Variants in PROM2 observed in about 807,000 individuals in gnomAD.
The protein encoded by PROM2 is prominin-2.
A neutral mutation model predicts 110.2 loss-of-function variants in PROM2; 90 were observed. The observed-to-expected ratio is 0.82, with a 90% CI of 0.69 to 0.97. PROM2 has a LOEUF of 0.97. PROM2 is among the 50% of genes least tolerant of loss of function. The probability of loss-of-function intolerance (pLI) is 0.00; values close to 1 mark genes in which losing one functional copy is unlikely to be tolerated. For synonymous variants in PROM2, 470 were observed against 467.8 expected (o/e 1.00, Z -0.06); for missense variants, 1,009 against 1,074.8 (o/e 0.94, Z 0.86).
chr2:95,278,869 G>A, intron 9 of PROM2, 85 bp downstream of exon 9: 2 of 1,606,394 alleles, frequency 1.2e-6, no homozygotes, highest in African/African-American at 1.3e-5. Context: ...AGAGGACTGG[G>A]GTGGCGGGGG....
chr2:95,277,669 C>T, intron 7 of PROM2, 103 bp downstream of exon 7: 3 of 1,180,070 alleles, frequency 2.5e-6, no homozygotes, highest in Non-Finnish European at 2.3e-6. Flanking sequence ...ATGTTCCTCC[C>T]TTGCTCCACC....
At chr2:95,281,171 G>A (rs913890432) in intron 11 of PROM2, 71 bp from the exon 12 acceptor site, 2 of 1,575,582 alleles carry the variant, frequency 1.3e-6, no homozygotes, top group African/African-American at 2.7e-5. Context: ...CTGGGGTGAG[G>A]GTGGGACAGA....
Position 95,276,979 on chromosome 2 carries a change from T to C in PROM2, c.690T>C (p.Gly230=). 1 of 1,552,182 alleles carries C rather than the reference T, an allele frequency of 6.4e-7. No individual in the cohort carries two copies. Among genetic ancestry groups the C allele is most frequent in the Non-Finnish European group, 8.7e-7 (1 of 1,147,220 alleles). Residue 230 remains glycine (G), a synonymous_variant, in exon 6 of 24, where the codon GGT becomes GGC. Coordinates refer to ENST00000317620, the MANE Select transcript of PROM2 (RefSeq NM_001165978.3). This position sits in a 1 kb window ranked among gnomAD's most constrained non-coding sequence, Gnocchi z 4.6. The part of the protein sequence containing the change: ...EQVSEELDGV[G]VSIGSAIHTQ... ...CTGCCCTGTGCTCTGCAGGTGTTGGTGTGAGCATTGGGAGCGCGATCCACA... is the reference window on the plus strand; with the variant it reads ...CTGCCCTGTGCTCTGCAGGTGTTGGCGTGAGCATTGGGAGCGCGATCCACA...
rs901364393 is a variant in PROM2, at chr2:95,276,220, C to T, written c.498-7C>T. On this transcript the variant is annotated splice_region_variant and splice_polypyrimidine_tract_variant and intron_variant, in intron 3 of 23. Transcript: ENST00000317620. The surrounding 1 kb of genome is among the most constrained non-coding windows in gnomAD (Gnocchi z 4.6). ...CAAGCACCTTCCTCCTCCCTCCATT[C>T]CCACAGGATTGGTGTGGTCTGTGCC... The T allele has an allele frequency of 3.7e-6, 6 of 1,613,848 alleles. No individual in the cohort carries two copies. Among genetic ancestry groups the T allele is most frequent in the Non-Finnish European group, 5.1e-6 (6 of 1,180,016 alleles).
Position 95,282,167 on chromosome 2 carries a change from T to C in PROM2, c.1669T>C (p.Trp557Arg). The part of the protein sequence containing the change: ...YQQCKEGAAL[W>R]TVLQLNDSYD... ...GCAGTGCAAGGAAGGGGCAGCGCTC[T>C]GGACAGTCCTGCAGCTCAACGACTC... Residue 557 changes from tryptophan (W) to arginine (R), a missense_variant, in exon 14 of 24, where the codon TGG becomes CGG. Coordinates refer to ENST00000317620, the MANE Select transcript of PROM2 (RefSeq NM_001165978.3). The C allele has an allele frequency of 2.5e-6, 4 of 1,613,922 alleles. No homozygotes were observed. In the South Asian group the frequency reaches 3.3e-5, roughly 13 times the overall value.
intron 16 of PROM2, 104 bp downstream of exon 16, chr2:95,285,814 C>G: frequency 8.9e-7 from 1 of 1,123,122 alleles, no homozygotes; most frequent in Non-Finnish European, 1.3e-6. Flanking sequence ...AACTGAGGAC[C>G]CCCACCAGTG....
Position 95,275,457 on chromosome 2 carries a change from A to G in PROM2, c.245-4A>G, listed in dbSNP as rs1676590648. 2 of 1,612,234 alleles carry G rather than the reference A, an allele frequency of 1.2e-6. No homozygotes were observed. The highest frequency in any genetic ancestry group is 1.1e-5 in the South Asian group (1 of 90,732). On this transcript the variant is annotated splice_region_variant and splice_polypyrimidine_tract_variant and intron_variant, in intron 1 of 23. Coordinates refer to ENST00000317620, the MANE Select transcript of PROM2 (RefSeq NM_001165978.3). The surrounding 1 kb of genome is among the most constrained non-coding windows in gnomAD (Gnocchi z 4.4). Reference sequence around the variant, plus strand: ...CAAATCCTCAGCTTGGCTCTTTCCCATAGAGTTGGTAAAGGCCCTACTGAA... The same window carrying G: ...CAAATCCTCAGCTTGGCTCTTTCCCGTAGAGTTGGTAAAGGCCCTACTGAA...
Position 95,276,269 on chromosome 2 carries a change from T to C in PROM2, c.540T>C (p.His180=), listed in dbSNP as rs1463383510. 9.9e-6 allele frequency: 16 copies of C among 1,613,888 alleles called. No individual in the cohort carries two copies. Among genetic ancestry groups the C allele is most frequent in the Non-Finnish European group, 1.2e-5 (14 of 1,180,024 alleles). The part of the protein sequence containing the change: ...VCAFVTNQRT[H]EQMGPSIEAM... ...CCTTTGTCACCAACCAGCGCACGCATGAACAGATGGGCCCCAGCATCGAGG... is the reference window on the plus strand; with the variant it reads ...CCTTTGTCACCAACCAGCGCACGCACGAACAGATGGGCCCCAGCATCGAGG... Residue 180 remains histidine, a synonymous_variant, in exon 4 of 24, where the codon CAT becomes CAC. Transcript: ENST00000317620. The surrounding 1 kb of genome is among the most constrained non-coding windows in gnomAD (Gnocchi z 4.6).
At position 95,276,058 on chromosome 2, in the gene PROM2, G is replaced by A; in HGVS notation, c.423G>A (p.Lys141=). The A allele has an allele frequency of 6.2e-7, 1 of 1,611,424 alleles. No individual in the cohort carries two copies. Among genetic ancestry groups the A allele is most frequent in the Non-Finnish European group, 8.5e-7 (1 of 1,179,914 alleles). ...ACCGGCGCTGCGGGGGACGAGTGAA[G>A]ACAGAGCACAAGGCGCTGGCCTGTG... The part of the protein sequence containing the change: ...RCHRRCGGRV[K]TEHKALACER... The change falls in exon 3 of 24, where the codon AAG becomes AAA. Residue 141 remains lysine (K), a synonymous_variant. Coordinates refer to ENST00000317620, the MANE Select transcript of PROM2 (RefSeq NM_001165978.3). This position sits in a 1 kb window ranked among gnomAD's most constrained non-coding sequence, Gnocchi z 4.6.
rs1031488419 is a variant in PROM2 at position 95,291,141 on chromosome 2, T to C, written c.*1928T>C. 1.3e-5 allele frequency: 2 copies of C among 152,204 alleles called. No homozygotes were observed. The highest frequency in any genetic ancestry group is 2.9e-5 in the Non-Finnish European group (2 of 68,036). The allele number at this position is 152,204 out of a possible 1,614,324, so 9.4% of individuals were successfully genotyped here. A position where few individuals can be genotyped will look rare whatever the true frequency, so the allele number is the denominator to read the frequency against. On this transcript the variant is annotated 3_prime_UTR_variant, in exon 24 of 24. Coordinates refer to ENST00000317620, the MANE Select transcript of PROM2 (RefSeq NM_001165978.3). ...GAATTAGAATGGTGCATACACAATG[T>C]ATTATTATCACTGTCAGATGAGCAT...
Position 95,282,047 on chromosome 2 carries a change from C to T in PROM2, c.1643+31C>T, listed in dbSNP as rs571003605. On this transcript the variant is annotated intron_variant, in intron 13 of 23. Coordinates refer to ENST00000317620, the MANE Select transcript of PROM2 (RefSeq NM_001165978.3). ...TGGACAGCCTGGGCAGAGCTGGGAC[C>T]GGGGAAGGAAGGAGGAGGGCCGGTG... 4.1e-5 allele frequency: 66 copies of T among 1,611,814 alleles called. No homozygotes were observed. In the South Asian group the frequency reaches 4.2e-4, roughly 10 times the overall value.
chr2:95,279,048 G>C lies in PROM2; in HGVS notation c.1178G>C (p.Gly393Ala). The C allele has an allele frequency of 6.2e-7, 1 of 1,613,150 alleles. No homozygotes were observed. ...GVRTLAEGFP[G>A]LEAASRWAQA... ...AGGACACTGGCTGAAGGGTTCCCGG[G>C]CTTGGAGGCAGCTTCCCGCTGGGCC... Residue 393 changes from glycine to alanine, a missense_variant, in exon 10 of 24, where the codon GGC becomes GCC. Physicochemically the swap from Gly to Ala is moderately conservative, Grantham distance 60. Transcript: ENST00000317620.
rs1410882306 is a variant in PROM2, at chr2:95,276,280, G to T, written c.551G>T (p.Gly184Val). 6.2e-7 allele frequency: 1 copy of T among 1,613,772 alleles called. No individual in the cohort carries two copies. The highest frequency in any genetic ancestry group is 1.7e-5 in the Admixed American group (1 of 60,008). ...VTNQRTHEQM[G>V]PSIEAMPETL... is the part of the protein sequence containing the mutation. ...AACCAGCGCACGCATGAACAGATGG[G>T]CCCCAGCATCGAGGCCATGCCTGAG... is the stretch of plus-strand genomic sequence containing the variant. Residue 184 changes from glycine to valine, a missense_variant, in exon 4 of 24, where the codon GGC becomes GTC. Gly to Val is a moderately radical substitution (Grantham distance 109). Coordinates refer to ENST00000317620, the MANE Select transcript of PROM2 (RefSeq NM_001165978.3). This position sits in a 1 kb window ranked among gnomAD's most constrained non-coding sequence, Gnocchi z 4.6.
chr2:95,287,015 C>T, intron 18 of PROM2, 118 bp from the exon 19 acceptor site: 2 of 1,274,254 alleles, frequency 1.6e-6, no homozygotes, highest in Non-Finnish European at 1.1e-6. Context: ...GGGATCACCA[C>T]CCTTGGCTTG....
chr2:95,282,045 A>T, intron 13 of PROM2, 29 bp downstream of exon 13: 1 of 1,612,548 alleles, frequency 6.2e-7, no homozygotes, highest in Non-Finnish European at 8.5e-7. Context: ...CAGAGCTGGG[A>T]CCGGGGAAGG....
chr2:95,285,496 T>C (rs1287580243), intron 15 of PROM2, 143 bp from the exon 16 acceptor site: 35 of 662,238 alleles, frequency 5.3e-5, no homozygotes, highest in Non-Finnish European at 7.5e-5. Flanking sequence ...CAGGGAAAAC[T>C]CACTGTGACT....
In PROM2 at chr2:95,280,135, T is replaced by C. The variant is rs560867282; in HGVS notation, c.1427+138T>C. 4.8e-4 allele frequency: 422 copies of C among 874,142 alleles called. 2 individuals are homozygous for C. The African/African-American group carries it at 5.4e-3, about 11-fold the overall frequency. The allele number at this position is 874,142 out of a possible 1,614,324, so 54.1% of individuals were successfully genotyped here. A position where few individuals can be genotyped will look rare whatever the true frequency, so the allele number is the denominator to read the frequency against. Reference sequence around the variant, plus strand: ...TAAAGGGGTTGAACCAGAGCAGGAATGGCCAACAAGGAGCTCTTCCTTCCT... The same window carrying C: ...TAAAGGGGTTGAACCAGAGCAGGAACGGCCAACAAGGAGCTCTTCCTTCCT... On this transcript the variant is annotated intron_variant, in intron 11 of 23. Transcript: ENST00000317620.
chr2:95,278,376 A>C (rs929121521), intron 8 of PROM2: 1 of 528,780 alleles, frequency 1.9e-6, no homozygotes, highest in African/African-American at 1.9e-5. Context: ...GGGTGGCTGG[A>C]GTGGAAGGTT....
intron 6 of PROM2, 72 bp from the exon 7 acceptor site, chr2:95,277,292 A>G: frequency 6.8e-7 from 1 of 1,464,864 alleles, no homozygotes; most frequent in East Asian, 2.3e-5. Context: ...GGGGGAGGGG[A>G]GTTCTGCCTC....
Sources: allele counts gnomAD v4.1 joint callset, GRCh38; gene constraint gnomAD v4.1.1; non-coding constraint Gnocchi (gnomAD v3.1); transcripts MANE v1.5; gene names NCBI Gene and HGNC (gene_info 2026-07-23, HGNC 2026-07-21).